The following KCNH1 variants were observed in gnomAD, a reference collection of about 807,000 sequenced individuals.
KCNH1 encodes the protein voltage-gated delayed rectifier potassium channel KCNH1.
In KCNH1, 27 loss-of-function variants were observed where a neutral mutation model predicts 69.2. That is an observed-to-expected ratio of 0.39 (90% CI 0.29 to 0.54). KCNH1 has a LOEUF of 0.54. Ranked by LOEUF, KCNH1 falls within the 20% of genes least tolerant of loss-of-function variation. The pLI is 0.68. For missense variants in KCNH1, 798 were observed against 1,261.6 expected (o/e 0.63, Z 5.57); for synonymous variants, 456 against 487.7 (o/e 0.93, Z 0.86).
intron 6 of KCNH1, among the ~76,000 whole-genome samples, chr1:210,962,290 TGA>T (rs1688309821): frequency 2.6e-5 from 4 of 152,336 alleles, no homozygotes; most frequent in Admixed American, 2.6e-4. Context: ...CTTGATTGTC[TGA>T]TACCTGATGG....
Position 210,775,468 on chromosome 1 carries a change from C to T in KCNH1, c.1992G>A (p.Leu664=). The part of the protein sequence containing the change: ...LAQSCANVRA[L]TYCDLHVIKR... ...TGATCACATGCAGATCACAGTAGGT[C>T]AAGGCCCTAACATTGGCACAGGACT... Residue 664 remains leucine, a synonymous_variant, in exon 10 of 11, where the codon TTG becomes TTA. Transcript: ENST00000271751. 1 of 1,614,100 alleles carries T rather than the reference C, an allele frequency of 6.2e-7. No homozygotes were observed. Among genetic ancestry groups the T allele is most frequent in the Non-Finnish European group, 8.5e-7 (1 of 1,179,974 alleles).
intron 7 of KCNH1, among the ~76,000 whole-genome samples, chr1:210,900,054 C>T (rs1008346149): frequency 1.3e-5 from 2 of 152,210 alleles, no homozygotes; most frequent in African/African-American, 2.4e-5. Context: ...TGCTTCTTGC[C>T]TCCTAGGCAC....
intron 6 of KCNH1, among the ~76,000 whole-genome samples, chr1:210,996,024 G>T (rs1689026895): frequency 6.6e-6 from 1 of 152,184 alleles, no homozygotes; most frequent in African/African-American, 2.4e-5. Flanking sequence ...TGGCCGAATA[G>T]GAACAGCTCT....
chr1:210,917,229 G>GAGAGAAAGAAAGAAAGAA lies in KCNH1; in HGVS notation c.1462+2410_1462+2411insTTCTTTCTTTCTTTCTCT, dbSNP rs1430374011. ...GGACAGAGAGAGAGAGAGAGAGAGA[G>GAGAGAAAGAAAGAAAGAA]AGAAAGAAAGAAAGAAAGAAAGAAA... On this transcript the variant is annotated intron_variant, in intron 7 of 10. Transcript: ENST00000271751. Among the ~76,000 whole-genome samples the GAGAGAAAGAAAGAAAGAA allele has an allele frequency of 1.4e-3, 110 of 78,864 alleles. No individual in the cohort carries two copies. In the East Asian group the frequency reaches 0.019, roughly 13 times the overall value. 51.7% of individuals were successfully genotyped at this position (78,864 alleles called of 152,430 possible).
At chr1:210,758,482 G>A (rs1466507920) in intron 10 of KCNH1, among the ~76,000 whole-genome samples, 1 of 152,164 alleles carries the variant, frequency 6.6e-6, no homozygotes, top group East Asian at 1.9e-4. Flanking sequence ...CTGCTCCCTT[G>A]GTCAGCTGGG....
Position 210,991,311 on chromosome 1 carries a change from TG to T in KCNH1, c.1032+27471del, listed in dbSNP as rs553392822. 2.0e-5 allele frequency among the ~76,000 whole-genome samples: 3 copies of T among 152,268 alleles called. No homozygotes were observed. The South Asian group carries it at 6.2e-4, about 32-fold the overall frequency. ...GAAAATCTTGTCATTTGCAACACCA[TG>T]GGTAAACCTGGAAGACATTATGCTA... On this transcript the variant is annotated intron_variant, in intron 6 of 10. Coordinates refer to ENST00000271751, the MANE Select transcript of KCNH1 (RefSeq NM_172362.3).
intron 3 of KCNH1, among the ~76,000 whole-genome samples, chr1:211,099,768 G>C (rs1691224959): frequency 6.6e-6 from 1 of 152,164 alleles, no homozygotes; most frequent in Admixed American, 6.5e-5. Flanking sequence ...TAAATGATGA[G>C]TTCCTGACTG....
intron 6 of KCNH1, among the ~76,000 whole-genome samples, chr1:211,017,367 T>G (rs1272128701): frequency 1.3e-5 from 2 of 152,162 alleles, no homozygotes; most frequent in Non-Finnish European, 2.9e-5. Flanking sequence ...CCTTTCAACG[T>G]TCTCAAGCCT....
chr1:210,824,660 G>A (rs549439764), intron 7 of KCNH1, among the ~76,000 whole-genome samples: 1 of 152,282 alleles, frequency 6.6e-6, no homozygotes, highest in East Asian at 1.9e-4. Flanking sequence ...GTTGGAAAAG[G>A]GAGGAGCATT....
rs1574373719 is a variant in KCNH1, at chr1:210,977,122, G to T, written c.1032+41661C>A. 2.6e-5 allele frequency among the ~76,000 whole-genome samples: 4 copies of T among 152,272 alleles called. No individual in the cohort carries two copies. The South Asian group carries it at 8.3e-4, about 32-fold the overall frequency. ...TGGAATACTAAGCAGCCATGAAAAA[G>T]GATGAGTTCATGTCCTTTGTAGGGA... is the stretch of plus-strand genomic sequence containing the variant. On this transcript the variant is annotated intron_variant, in intron 6 of 10. Transcript: ENST00000271751.
At chr1:210,893,894 C>A (rs1439039753) in intron 7 of KCNH1, among the ~76,000 whole-genome samples, 2 of 152,112 alleles carry the variant, frequency 1.3e-5, no homozygotes, top group African/African-American at 4.8e-5. Context: ...ATTAATCCTA[C>A]CTAATGCATT....
chr1:211,049,391 C>G (rs1415162443), intron 5 of KCNH1, among the ~76,000 whole-genome samples: 1 of 152,178 alleles, frequency 6.6e-6, no homozygotes, highest in East Asian at 1.9e-4. Flanking sequence ...GGCAAACCAA[C>G]TGTGTGTGCA....
rs116366374 is a variant in KCNH1, at chr1:210,723,172, G to A, written c.2113-39034C>T. 8.2e-3 allele frequency among the ~76,000 whole-genome samples: 1,247 copies of A among 152,194 alleles called. 15 individuals are homozygous for A. Among genetic ancestry groups the A allele is most frequent in the African/African-American group, 0.028 (1,155 of 41,518 alleles). ...GCCTCACCCATAGCCAGTGTCTCTC[G>A]TGGTCTCTCAAATTCCTTTCCTTCC... On this transcript the variant is annotated intron_variant, in intron 10 of 10. Coordinates refer to ENST00000271751, the MANE Select transcript of KCNH1 (RefSeq NM_172362.3).
intron 7 of KCNH1, chr1:210,861,650 T>C (rs1476156050): frequency 3.9e-6 from 3 of 771,684 alleles, no homozygotes; most frequent in Non-Finnish European, 7.3e-6. Context: ...GCATAGAGTA[T>C]ATACTGAACA....
At chr1:210,723,967 C>T (rs933973319) in intron 10 of KCNH1, among the ~76,000 whole-genome samples, 8 of 152,282 alleles carry the variant, frequency 5.3e-5, no homozygotes, top group Middle Eastern at 3.4e-3. Context: ...TCTCACATTT[C>T]CCACTGTGGC....
intron 6 of KCNH1, among the ~76,000 whole-genome samples, chr1:210,978,875 C>T (rs1427805604): frequency 3.3e-5 from 5 of 152,178 alleles, no homozygotes; most frequent in Non-Finnish European, 2.9e-5. Flanking sequence ...AGCTGTTTTA[C>T]GTCTGCCTAG....
intron 10 of KCNH1, among the ~76,000 whole-genome samples, chr1:210,758,604 G>T (rs1368778564): frequency 6.6e-6 from 1 of 152,164 alleles, no homozygotes; most frequent in Non-Finnish European, 1.5e-5. Context: ...GCCCATCAAA[G>T]TCCCCACTGA....
chr1:210,895,042 T>C (rs1574323732), intron 7 of KCNH1, among the ~76,000 whole-genome samples: 1 of 152,196 alleles, frequency 6.6e-6, no homozygotes, highest in African/African-American at 2.4e-5. Context: ...GGGGTAATCA[T>C]AGGGCTAACT....
intron 8 of KCNH1, among the ~76,000 whole-genome samples, chr1:210,799,719 G>C (rs1558474769): frequency 6.6e-6 from 1 of 152,196 alleles, no homozygotes; most frequent in Non-Finnish European, 1.5e-5. Context: ...TTTCCTTGAA[G>C]TTCTGGGTAC....
Sources: gnomAD v4.1 joint callset for allele counts (sites outside exome capture counted in the v4.1 genomes callset) on GRCh38, gnomAD v4.1.1 for gene constraint, MANE v1.5 for transcripts, NCBI Gene and HGNC (gene_info 2026-07-23, HGNC 2026-07-21) for gene names.